The following TRIM69 variants were observed in gnomAD, a reference collection of about 807,000 sequenced individuals.
The protein encoded by TRIM69 is E3 ubiquitin-protein ligase TRIM69.
In TRIM69, 29 loss-of-function variants were observed where a neutral mutation model predicts 37.7. The ratio of observed to expected loss-of-function variants is 0.77; its 90% CI spans 0.57 to 1.05. The LOEUF (loss-of-function observed/expected upper bound fraction) is 1.05, where lower values mean the gene tolerates loss of function less well. Ranked by LOEUF, TRIM69 falls within the 50% of genes least tolerant of loss-of-function variation. The pLI, the probability that TRIM69 is intolerant of heterozygous loss-of-function variation, is 0.00. For synonymous variants in TRIM69, 209 were observed against 212.4 expected (o/e 0.98, Z 0.14); for missense variants, 596 against 579.9 (o/e 1.03, Z -0.28).
chr15:44,736,798 G>A, intron 1 of TRIM69, 88 bp downstream of exon 1: 2 of 1,491,632 alleles, frequency 1.3e-6, no homozygotes, highest in Non-Finnish European at 1.8e-6. Context: ...GGATTTAGGA[G>A]CACAAAAGGA....
At chr15:44,763,355 GT>G (rs2087818222) in intron 6 of TRIM69, among the ~76,000 whole-genome samples, 1 of 152,212 alleles carries the variant, frequency 6.6e-6, no homozygotes, top group Non-Finnish European at 1.5e-5. Flanking sequence ...TAGCATTAAA[GT>G]GTCATTGTCA....
intron 1 of TRIM69, among the ~76,000 whole-genome samples, chr15:44,750,715 CTTTT>C (rs869059418): frequency 0.71 from 72,663 of 102,332 alleles, 30,017 homozygotes; most frequent in Non-Finnish European, 0.77. Flanking sequence ...ATTACTTTTT[CTTTT>C]TTTTTTTTTT....
chr15:44,738,635 T>A (rs1428633766), intron 1 of TRIM69, among the ~76,000 whole-genome samples: 1 of 152,184 alleles, frequency 6.6e-6, no homozygotes, highest in Non-Finnish European at 1.5e-5. Context: ...TTTAATAAAT[T>A]CAATTCCACA....
At chr15:44,761,134 G>A (rs2087766717) in intron 6 of TRIM69, among the ~76,000 whole-genome samples, 1 of 152,114 alleles carries the variant, frequency 6.6e-6, no homozygotes, top group Non-Finnish European at 1.5e-5. Flanking sequence ...TAGCCAGGAT[G>A]GTCTCGATCT....
At chr15:44,741,643 T>A (rs936882700) in intron 1 of TRIM69, among the ~76,000 whole-genome samples, 2,327 of 152,194 alleles carry the variant, frequency 0.015, 55 homozygotes, top group African/African-American at 0.051. Context: ...ATATCACCAC[T>A]GATCCCACAG....
At chr15:44,763,620 T>C (rs1203279399) in intron 6 of TRIM69, among the ~76,000 whole-genome samples, 1 of 152,250 alleles carries the variant, frequency 6.6e-6, no homozygotes, top group African/African-American at 2.4e-5. Flanking sequence ...GATTTGTCTC[T>C]TCTGGTTGGT....
chr15:44,755,178 A>G lies in TRIM69; in HGVS notation c.285A>G (p.Val95=), dbSNP rs1266617294. Residue 95 remains valine, a synonymous_variant, in exon 2 of 7, where the codon GTA becomes GTG. Transcript: ENST00000329464. The part of the protein sequence containing the change: ...CQYNNCTFNP[V]LDKLVEKIKK... ...ATAACAACTGTACATTCAACCCTGT[A>G]CTGGACAAGTTGGTAGAGAAGATTA... The G allele has an allele frequency of 3.2e-5, 51 of 1,614,128 alleles. No homozygotes were observed. Among genetic ancestry groups the G allele is most frequent in the Non-Finnish European group, 3.9e-5 (46 of 1,180,058 alleles).
intron 1 of TRIM69, among the ~76,000 whole-genome samples, chr15:44,747,914 G>A (rs2087442360): frequency 6.6e-6 from 1 of 152,206 alleles, no homozygotes; most frequent in African/African-American, 2.4e-5. Context: ...AAGCCCATAA[G>A]GAGAGGTAAA....
intron 1 of TRIM69, 22 bp downstream of exon 1, chr15:44,736,732 T>TA: frequency 1.2e-6 from 2 of 1,609,818 alleles, no homozygotes. Flanking sequence ...TTTTTTTTTT[T>TA]AACTTAGCAG....
At chr15:44,749,186 T>C (rs906740639) in intron 1 of TRIM69, among the ~76,000 whole-genome samples, 1 of 152,202 alleles carries the variant, frequency 6.6e-6, no homozygotes, top group African/African-American at 2.4e-5. Context: ...GCCATCATGC[T>C]TGGCCTACAG....
chr15:44,740,632 C>A (rs6493121), intron 1 of TRIM69, among the ~76,000 whole-genome samples: 136,411 of 151,118 alleles, frequency 0.9, 61,864 homozygotes, highest in Middle Eastern at 0.96. Context: ...TCTACCAAGC[C>A]AATGGAAAAC....
At chr15:44,741,268 T>C (rs1479472874) in intron 1 of TRIM69, among the ~76,000 whole-genome samples, 7 of 152,138 alleles carry the variant, frequency 4.6e-5, no homozygotes, top group African/African-American at 1.4e-4. Flanking sequence ...TTGAAACCAA[T>C]GAGAACAAAG....
intron 1 of TRIM69, among the ~76,000 whole-genome samples, chr15:44,737,824 T>A (rs1389765369): frequency 6.6e-6 from 1 of 152,166 alleles, no homozygotes; most frequent in African/African-American, 2.4e-5. Flanking sequence ...AGTTTAAAAA[T>A]TACTTTGAAG....
At chr15:44,761,064 C>G (rs543395670) in intron 6 of TRIM69, among the ~76,000 whole-genome samples, 8 of 152,050 alleles carry the variant, frequency 5.3e-5, no homozygotes, top group African/African-American at 1.9e-4. Context: ...ACTACAGGCG[C>G]CTGCCACCAT....
At chr15:44,750,713 TTC>T (rs2087501211) in intron 1 of TRIM69, among the ~76,000 whole-genome samples, 1 of 104,898 alleles carries the variant, frequency 9.5e-6, no homozygotes, top group African/African-American at 3.5e-5. Flanking sequence ...TCATTACTTT[TTC>T]TTTTTTTTTT....
chr15:44,747,355 A>G (rs1402672906), intron 1 of TRIM69, among the ~76,000 whole-genome samples: 1 of 152,214 alleles, frequency 6.6e-6, no homozygotes, highest in Non-Finnish European at 1.5e-5. Context: ...AAATAGCCTC[A>G]AATATAACCC....
chr15:44,747,399 G>A (rs1273063921), intron 1 of TRIM69, among the ~76,000 whole-genome samples: 1 of 152,066 alleles, frequency 6.6e-6, no homozygotes, highest in East Asian at 1.9e-4. Context: ...CTTGCAAATA[G>A]CTGATTCAGG....
Position 44,767,499 on chromosome 15 carries a change from G to C in TRIM69, c.1230G>C (p.Glu410Asp), listed in dbSNP as rs765130725. Reference sequence around the variant, plus strand: ...AGGGCAGCTGTCCTCTAACTCCTGAGCAAGGATTCTGGCTTTTAAGACTAA... The same window carrying C: ...AGGGCAGCTGTCCTCTAACTCCTGACCAAGGATTCTGGCTTTTAAGACTAA... ...IRKGSCPLTP[E>D]QGFWLLRLRN... Residue 410 changes from glutamate (E) to aspartate (D), a missense_variant, in exon 7 of 7, where the codon GAG (glutamate) becomes GAC (aspartate). Physicochemically the swap from Glu to Asp is conservative, Grantham distance 45. Transcript: ENST00000329464. 6.2e-7 allele frequency: 1 copy of C among 1,614,184 alleles called. No individual in the cohort carries two copies. The highest frequency in any genetic ancestry group is 2.2e-5 in the East Asian group (1 of 44,888).
At chr15:44,763,300 G>A (rs2087816669) in intron 6 of TRIM69, among the ~76,000 whole-genome samples, 1 of 152,142 alleles carries the variant, frequency 6.6e-6, no homozygotes, top group African/African-American at 2.4e-5. Context: ...TTTGTTTGAT[G>A]TTTTCCTCAT....
Sources: gnomAD v4.1 joint callset for allele counts (sites outside exome capture counted in the v4.1 genomes callset) on GRCh38, gnomAD v4.1.1 for gene constraint, MANE v1.5 for transcripts, NCBI Gene and HGNC (gene_info 2026-07-23, HGNC 2026-07-21) for gene names.